PPM1H: variants seen among roughly 807,000 people sequenced by gnomAD.
PPM1H encodes protein phosphatase 1H.
Under a neutral mutation model 54.9 loss-of-function variants are expected in PPM1H, and 27 were observed. The ratio of observed to expected loss-of-function variants is 0.49; its 90% CI spans 0.36 to 0.68. The LOEUF (loss-of-function observed/expected upper bound fraction) is 0.68, where lower values mean the gene tolerates loss of function less well. PPM1H is among the 30% of genes least tolerant of loss of function. The probability of loss-of-function intolerance (pLI) is 0.00; values close to 1 mark genes in which losing one functional copy is unlikely to be tolerated. For missense variants in PPM1H, 596 were observed against 667.8 expected (o/e 0.89, Z 1.19); for synonymous variants, 305 against 270.8 (o/e 1.13, Z -1.24).
At chr12:62,868,353 T>G (rs696655) in intron 1 of PPM1H, among the ~76,000 whole-genome samples, 6,861 of 151,276 alleles carry the variant, frequency 0.045, 479 homozygotes, top group African/African-American at 0.15. Context: ...GGAGCCCGCT[T>G]CCTGCTAGGG....
chr12:62,719,088 A>C (rs1201939564), intron 6 of PPM1H, among the ~76,000 whole-genome samples: 2 of 152,204 alleles, frequency 1.3e-5, no homozygotes, highest in African/African-American at 4.8e-5. Context: ...TTGTAGAGGA[A>C]GAAGAGTGGA....
chr12:62,801,930 T>C lies in PPM1H; in HGVS notation c.642A>G (p.Gly214=). The stretch of plus-strand genomic sequence containing the variant: ...TGGGGGAGCCCGGGGCCCCCACCCC[T>C]CCGCGCAGGGAGGCTGCCCGGGTCA... ...RTLTRAASLR[G]GVGAPGSPST... is the part of the protein sequence containing the mutation. The change falls in exon 3 of 10, where the codon GGA becomes GGG. Residue 214 remains glycine, a synonymous_variant. Transcript: ENST00000228705. 7 of 1,613,008 alleles carry C rather than the reference T, an allele frequency of 4.3e-6. No homozygotes were observed. The highest frequency in any genetic ancestry group is 5.1e-6 in the Non-Finnish European group (6 of 1,179,438).
In PPM1H at chr12:62,802,133, AAT is replaced by A; in HGVS notation, c.437_438del (p.Tyr146LeufsTer5). 1 of 1,580,344 alleles carries A rather than the reference AAT, an allele frequency of 6.3e-7. No individual in the cohort carries two copies. Among genetic ancestry groups the A allele is most frequent in the South Asian group, 1.2e-5 (1 of 86,270 alleles). ...NSESEGVSCH[Y>X]WSLFDGHAGS... ...CCCGCGTGCCCGTCAAACAGCGACCAATAGTGGCAGGAAACACCCTCGGATTC... is the reference window on the plus strand; with the variant it reads ...CCCGCGTGCCCGTCAAACAGCGACCAAGTGGCAGGAAACACCCTCGGATTC... On this transcript the variant is annotated frameshift_variant, in exon 3 of 10. Transcript: ENST00000228705. LOFTEE classifies it high-confidence loss of function.
rs541076034 is a variant in PPM1H at position 62,904,273 on chromosome 12, C to G, written c.245+30219G>C. On this transcript the variant is annotated intron_variant, in intron 1 of 9. Coordinates refer to ENST00000228705, the MANE Select transcript of PPM1H (RefSeq NM_020700.2). ...TTTTTCTTTGAGAAAGAGTCTCACT[C>G]TGTTGCCCAGGCTGGAGTGCAGTGG... 6.6e-5 allele frequency among the ~76,000 whole-genome samples: 10 copies of G among 152,074 alleles called. No individual in the cohort carries two copies. The East Asian group carries it at 1.5e-3, about 24-fold the overall frequency.
intron 9 of PPM1H, chr12:62,659,103 T>C (rs962346916): frequency 4.1e-6 from 3 of 731,666 alleles, no homozygotes; most frequent in Non-Finnish European, 7.5e-6. Flanking sequence ...CAAATCTTAC[T>C]GTGCTGAGAT....
At chr12:62,660,193 A>G (rs1214007726) in intron 9 of PPM1H, among the ~76,000 whole-genome samples, 1 of 152,242 alleles carries the variant, frequency 6.6e-6, no homozygotes, top group Non-Finnish European at 1.5e-5. Context: ...GAGCCTCCCA[A>G]GGAGACATCC....
chr12:62,664,202 C>T (rs1175596574), intron 9 of PPM1H, among the ~76,000 whole-genome samples: 1 of 152,038 alleles, frequency 6.6e-6, no homozygotes, highest in Non-Finnish European at 1.5e-5. Context: ...ATAAAGTTAG[C>T]TCATGGCATA....
intron 4 of PPM1H, among the ~76,000 whole-genome samples, chr12:62,764,081 C>T (rs2076527266): frequency 6.6e-6 from 1 of 152,202 alleles, no homozygotes; most frequent in Admixed American, 6.5e-5. Context: ...CCTGTCTCTC[C>T]TCTCCTTTGT....
At chr12:62,847,696 T>G (rs531644051) in intron 1 of PPM1H, among the ~76,000 whole-genome samples, 22 of 152,304 alleles carry the variant, frequency 1.4e-4, no homozygotes, top group African/African-American at 5.1e-4. Context: ...ATATTTAATC[T>G]TCTGAATATC....
chr12:62,767,274 CA>C (rs1308695575), intron 4 of PPM1H, among the ~76,000 whole-genome samples: 1 of 152,036 alleles, frequency 6.6e-6, no homozygotes, highest in Non-Finnish European at 1.5e-5. Flanking sequence ...TGGCTGAAGA[CA>C]AACCCTGGGG....
chr12:62,733,533 A>T (rs1219898257), intron 5 of PPM1H, among the ~76,000 whole-genome samples: 1 of 152,226 alleles, frequency 6.6e-6, no homozygotes, highest in African/African-American at 2.4e-5. Context: ...CTAGGATTAC[A>T]GGTGTGAGCC....
chr12:62,672,473 T>A (rs1376821324), intron 8 of PPM1H, among the ~76,000 whole-genome samples: 1 of 152,212 alleles, frequency 6.6e-6, no homozygotes, highest in Non-Finnish European at 1.5e-5. Context: ...GTGTTTAGAA[T>A]CACTTGGAGT....
intron 8 of PPM1H, among the ~76,000 whole-genome samples, chr12:62,683,033 T>TTTATTATTATTA (rs71086626): frequency 2.2e-5 from 3 of 133,672 alleles, no homozygotes; most frequent in Non-Finnish European, 3.3e-5. Flanking sequence ...GAGTTTATTA[T>TTTATTATTATTA]TTATTATTAT....
chr12:62,659,474 A>ATCTT (rs2075870104), intron 9 of PPM1H, among the ~76,000 whole-genome samples: 1 of 152,088 alleles, frequency 6.6e-6, no homozygotes, highest in Non-Finnish European at 1.5e-5. Context: ...GTCAGAACAC[A>ATCTT]TCTTTATGCT....
intron 3 of PPM1H, among the ~76,000 whole-genome samples, chr12:62,791,998 T>A (rs114748776): frequency 0.023 from 3,518 of 152,302 alleles, 118 homozygotes; most frequent in African/African-American, 0.081. Flanking sequence ...GTTTGTTTGA[T>A]AGACTTGATC....
chr12:62,853,429 T>C (rs1480328900), intron 1 of PPM1H, among the ~76,000 whole-genome samples: 2 of 151,960 alleles, frequency 1.3e-5, no homozygotes, highest in Non-Finnish European at 2.9e-5. Flanking sequence ...TTTTTACAGA[T>C]GCATAAAATA....
chr12:62,916,304 T>C (rs1384411067), intron 1 of PPM1H, among the ~76,000 whole-genome samples: 3 of 152,346 alleles, frequency 2.0e-5, no homozygotes, highest in East Asian at 1.9e-4. Flanking sequence ...AATATGGGCA[T>C]TGTTGATCAT....
At chr12:62,740,678 T>C (rs2076376451) in intron 4 of PPM1H, among the ~76,000 whole-genome samples, 1 of 152,220 alleles carries the variant, frequency 6.6e-6, no homozygotes, top group Non-Finnish European at 1.5e-5. Context: ...TGATCGACAC[T>C]GCAGCCCTAC....
In PPM1H at chr12:62,725,737, G is replaced by A. The variant is rs937552255; in HGVS notation, c.955-5448C>T. On this transcript the variant is annotated intron_variant, in intron 5 of 9. Transcript: ENST00000228705. Reference sequence around the variant, plus strand: ...GAGGAAATCTTTTCCGCCCCTGCAGGTGTCTGCCCTTTTGATGTTCACATA... The same window carrying A: ...GAGGAAATCTTTTCCGCCCCTGCAGATGTCTGCCCTTTTGATGTTCACATA... Among the ~76,000 whole-genome samples the A allele has an allele frequency of 7.2e-5, 11 of 152,046 alleles. No homozygotes were observed. In the East Asian group the frequency reaches 9.6e-4, roughly 13 times the overall value.
Sources: gnomAD v4.1 joint callset for allele counts (sites outside exome capture counted in the v4.1 genomes callset) on GRCh38, gnomAD v4.1.1 for gene constraint, MANE v1.5 for transcripts, NCBI Gene and HGNC (gene_info 2026-07-23, HGNC 2026-07-21) for gene names.